NELFA: variants seen among roughly 807,000 people sequenced by gnomAD.
NELFA encodes the protein negative elongation factor complex member A, also known as negative elongation factor A.
A neutral mutation model predicts 51.8 loss-of-function variants in NELFA; 35 were observed. That is an observed-to-expected ratio of 0.68 (90% CI 0.52 to 0.90). The LOEUF (loss-of-function observed/expected upper bound fraction) is 0.90. Among genes scored for constraint, NELFA ranks in the 40% least tolerant of loss-of-function variants. The pLI is 0.00. For synonymous variants in NELFA, 417 were observed against 338.4 expected, an observed-to-expected ratio of 1.23 and a Z score of -2.55; for missense variants, 658 against 746.4, an observed-to-expected ratio of 0.88 and a Z score of 1.38.
intron 1 of NELFA, among the ~76,000 whole-genome samples, chr4:2,007,436 C>A (rs1398106931): frequency 6.6e-6 from 1 of 152,176 alleles, no homozygotes; most frequent in Non-Finnish European, 1.5e-5. Flanking sequence ...AGGAATACCA[C>A]GCAGCAGTGA....
intron 2 of NELFA, chr4:1,990,401 C>A (rs1244069098): frequency 2.2e-6 from 1 of 456,738 alleles, no homozygotes; most frequent in Middle Eastern, 3.3e-4. Context: ...CCCACCTGAA[C>A]TGGCTACGTG....
chr4:1,983,116 A>AAAG lies in NELFA; in HGVS notation c.*200_*202dup. 1 of 489,886 alleles carries AAAG rather than the reference A, an allele frequency of 2.0e-6. No individual in the cohort carries two copies. The highest frequency in any genetic ancestry group is 3.8e-5 in the Admixed American group (1 of 26,392). 30.3% of individuals were successfully genotyped at this position (489,886 alleles called of 1,614,324 possible). ...CAAAAAGTGTCTTAAATCACACAAA[A>AAAG]AAGAACCCATATTAAAATTTTAAAA... On this transcript the variant is annotated 3_prime_UTR_variant, in exon 11 of 11. Transcript: ENST00000382882.
chr4:1,986,362 G>C lies in NELFA; in HGVS notation c.675C>G (p.Ser225Arg). The C allele has an allele frequency of 3.1e-6, 5 of 1,609,494 alleles. No individual in the cohort carries two copies. The highest frequency in any genetic ancestry group is 4.2e-6 in the Non-Finnish European group (5 of 1,178,302). ...GGCTGAAGACGCTGGGCGCCGTGGG[G>C]CTTCTGAAGGGCGCCTGCTTCGGGA... ...KGIPKQAPFR[S>R]PTAPSVFSPT... Residue 225 changes from serine to arginine, a missense_variant, in exon 5 of 11, where the codon AGC (serine) becomes AGG (arginine). By Grantham distance (110) the Ser-to-Arg change is moderately radical (BLOSUM62 -1). Around this residue, in one of 3 missense-constraint regions of NELFA, gnomAD observed 371 missense variants for 448.3 expected, o/e 0.83. Coordinates refer to ENST00000382882, the MANE Select transcript of NELFA (RefSeq NM_005663.5).
rs142910908 is a variant in NELFA, at chr4:1,991,638, G to A, written c.288C>T (p.Ile96=). ...AGCCTGTGTCCGGAAAGGACTTCAA[G>A]ATGTCGGCGACCATGAGCACCCAGG... ...SDPWVLMVAD[I]LKSFPDTGSL... Residue 96 remains isoleucine (I), a synonymous_variant, in exon 2 of 11, where the codon ATC becomes ATT. Transcript: ENST00000382882. The A allele has an allele frequency of 2.5e-6, 4 of 1,614,052 alleles. No homozygotes were observed. The East Asian group carries it at 6.7e-5, about 27-fold the overall frequency.
chr4:2,005,308 C>G (rs557314835), intron 1 of NELFA, among the ~76,000 whole-genome samples: 1 of 148,308 alleles, frequency 6.7e-6, no homozygotes, highest in Non-Finnish European at 1.5e-5. Context: ...TCCAGTGAGA[C>G]GAGAAAAAAA....
intron 1 of NELFA, among the ~76,000 whole-genome samples, chr4:2,000,960 T>C (rs1728553406): frequency 6.6e-6 from 1 of 152,230 alleles, no homozygotes. Context: ...TCAAGTGGCT[T>C]CATCCCTGGG....
Position 1,988,806 on chromosome 4 carries a change from G to A in NELFA, c.545-799C>T, listed in dbSNP as rs185344297. On this transcript the variant is annotated intron_variant, in intron 3 of 10. Coordinates refer to ENST00000382882, the MANE Select transcript of NELFA (RefSeq NM_005663.5). ...AGATCACCCGCCACTCCAGAAGGCA[G>A]CAACGTGAGAGTAAGGAACGTGCCC... Among the ~76,000 whole-genome samples the A allele has an allele frequency of 3.4e-3, 524 of 152,322 alleles. 3 individuals carry two copies. The highest frequency in any genetic ancestry group is 0.012 in the African/African-American group (514 of 41,578).
Position 1,989,754 on chromosome 4 carries a change from C to A in NELFA, c.498G>T (p.Lys166Asn). ...LTPPVKHFQL[K>N]RKPKSATLRA... Reference sequence around the variant, plus strand: ...GCAGCGTGGCGCTCTTGGGTTTCCGCTTTAACTGAAAATGCTTCACCGGGG... The same window carrying A: ...GCAGCGTGGCGCTCTTGGGTTTCCGATTTAACTGAAAATGCTTCACCGGGG... The change falls in exon 3 of 11, where the codon AAG (lysine) becomes AAT (asparagine). Residue 166 changes from lysine (K) to asparagine (N), a missense_variant. Lys to Asn is a moderately conservative substitution (Grantham distance 94). Transcript: ENST00000382882. This position sits in a 1 kb window ranked among gnomAD's most constrained non-coding sequence, Gnocchi z 4.8. The A allele has an allele frequency of 6.2e-7, 1 of 1,614,172 alleles. No homozygotes were observed.
In NELFA at chr4:1,983,224, G is replaced by T; in HGVS notation, c.*95C>A. The T allele has an allele frequency of 6.7e-6, 9 of 1,338,762 alleles. No homozygotes were observed. The highest frequency in any genetic ancestry group is 8.2e-6 in the Non-Finnish European group (8 of 978,906). 82.9% of individuals were successfully genotyped at this position (1,338,762 alleles called of 1,614,324 possible). ...AGCAGGGCGGCGGCCGGGGGACCTC[G>T]GGGGCCAGGTGTCCGCCATCCGGTT... On this transcript the variant is annotated 3_prime_UTR_variant, in exon 11 of 11. Transcript: ENST00000382882.
At chr4:2,001,782 A>G (rs1364763803) in intron 1 of NELFA, among the ~76,000 whole-genome samples, 1 of 152,204 alleles carries the variant, frequency 6.6e-6, no homozygotes, top group East Asian at 1.9e-4. Flanking sequence ...ACAAGCCTGT[A>G]ATCCCAGCTA....
At chr4:1,991,136 A>T (rs1042501818) in intron 2 of NELFA, among the ~76,000 whole-genome samples, 1 of 152,226 alleles carries the variant, frequency 6.6e-6, no homozygotes, top group African/African-American at 2.4e-5. Flanking sequence ...GTTCACATTT[A>T]AACAACTAAA....
intron 1 of NELFA, among the ~76,000 whole-genome samples, chr4:1,999,004 TAAAGA>T (rs1728502919): frequency 6.6e-6 from 1 of 152,072 alleles, no homozygotes; most frequent in African/African-American, 2.4e-5. Context: ...TCAACATTCT[TAAAGA>T]AAAGAATTTT....
intron 1 of NELFA, among the ~76,000 whole-genome samples, chr4:1,996,804 C>T (rs759113795): frequency 1.3e-5 from 2 of 152,116 alleles, no homozygotes; most frequent in Non-Finnish European, 2.9e-5. Flanking sequence ...TGGTGGCACA[C>T]GCCTGTGATC....
At chr4:1,996,263 T>G (rs778289788) in intron 1 of NELFA, among the ~76,000 whole-genome samples, 1 of 152,246 alleles carries the variant, frequency 6.6e-6, no homozygotes, top group Non-Finnish European at 1.5e-5. Context: ...AGGGAAATTA[T>G]GAAACATTTC....
intron 8 of NELFA, among the ~76,000 whole-genome samples, chr4:1,984,405 A>G (rs901238742): frequency 6.6e-6 from 1 of 152,136 alleles, no homozygotes; most frequent in Non-Finnish European, 1.5e-5. Context: ...GGAAGGCTGT[A>G]TCCTCAAGCC....
chr4:1,989,759 A>C lies in NELFA; in HGVS notation c.493T>G (p.Leu165Val). ...PLTPPVKHFQ[L>V]KRKPKSATLR... ...GTGGCGCTCTTGGGTTTCCGCTTTA[A>C]CTGAAAATGCTTCACCGGGGGAGTG... The change falls in exon 3 of 11, where the codon TTA becomes GTA. Residue 165 changes from leucine (L) to valine (V), a missense_variant. Around this residue, in one of 3 missense-constraint regions of NELFA, gnomAD observed 371 missense variants for 448.3 expected, o/e 0.83. Transcript: ENST00000382882. This position sits in a 1 kb window ranked among gnomAD's most constrained non-coding sequence, Gnocchi z 4.8. The C allele has an allele frequency of 1.2e-6, 2 of 1,614,148 alleles. No individual in the cohort carries two copies. Among genetic ancestry groups the C allele is most frequent in the Non-Finnish European group, 1.7e-6 (2 of 1,180,028 alleles).
rs1206947322 is a variant in NELFA, at chr4:1,993,831, G to A, written c.211-2116C>T. On this transcript the variant is annotated intron_variant, in intron 1 of 10. Transcript: ENST00000382882. Reference sequence around the variant, plus strand: ...TTTTTTTTTGAGACAGAGTCTCGCTGTTGTCGTCGCCCGGGCTGGAGTGCA... The same window carrying A: ...TTTTTTTTTGAGACAGAGTCTCGCTATTGTCGTCGCCCGGGCTGGAGTGCA... Among the ~76,000 whole-genome samples, 5 of 139,070 alleles carry A rather than the reference G, an allele frequency of 3.6e-5. No homozygotes were observed. The East Asian group carries it at 1.1e-3, about 30-fold the overall frequency. 91.2% of individuals were successfully genotyped at this position (139,070 alleles called of 152,430 possible).
chr4:1,999,816 C>G (rs983717111), intron 1 of NELFA, among the ~76,000 whole-genome samples: 2 of 152,202 alleles, frequency 1.3e-5, no homozygotes, highest in Non-Finnish European at 2.9e-5. Flanking sequence ...CTCTCTACCT[C>G]AAATCAACAG....
At chr4:1,984,724 A>G (rs1413246269) in intron 8 of NELFA, 84 bp downstream of exon 8, 4 of 933,078 alleles carry the variant, frequency 4.3e-6, no homozygotes, top group South Asian at 1.6e-5. Context: ...AGGAGTGAGA[A>G]CCGCAGCCCT....
Sources: allele counts gnomAD v4.1 joint callset (sites outside exome capture counted in the v4.1 genomes callset), GRCh38; gene constraint gnomAD v4.1.1; regional missense constraint gnomAD v4.1.1; non-coding constraint Gnocchi (gnomAD v3.1); transcripts MANE v1.5; gene names NCBI Gene and HGNC (gene_info 2026-07-23, HGNC 2026-07-21).